The following PIP4K2A variants were observed in gnomAD, a reference collection of about 807,000 sequenced individuals.
The protein encoded by PIP4K2A is phosphatidylinositol-5-phosphate 4-kinase type 2 alpha.
A neutral mutation model predicts 42.9 loss-of-function variants in PIP4K2A; 14 were observed. The observed-to-expected ratio is 0.33, with a 90% CI of 0.22 to 0.51. The LOEUF is 0.51. Among genes scored for constraint, PIP4K2A ranks in the 20% least tolerant of loss-of-function variants. The pLI is 0.97. For synonymous variants in PIP4K2A, 192 were observed against 192.2 expected, an observed-to-expected ratio of 1.00 and a Z score of 0.01; for missense variants, 434 against 519.8, an observed-to-expected ratio of 0.83 and a Z score of 1.61.
At chr10:22,642,851 G>A (rs1838808516) in intron 1 of PIP4K2A, among the ~76,000 whole-genome samples, 1 of 152,064 alleles carries the variant, frequency 6.6e-6, no homozygotes, top group Non-Finnish European at 1.5e-5. Context: ...TTCCTAGATA[G>A]TAATTCATGT....
chr10:22,568,238 T>C (rs1836897093), intron 5 of PIP4K2A, among the ~76,000 whole-genome samples: 1 of 152,218 alleles, frequency 6.6e-6, no homozygotes, highest in African/African-American at 2.4e-5. Flanking sequence ...ACTTTACTCC[T>C]TGTATCAACT....
intron 1 of PIP4K2A, among the ~76,000 whole-genome samples, chr10:22,698,826 TTGTG>T (rs1225795503): frequency 6.6e-6 from 1 of 152,208 alleles, no homozygotes; most frequent in Non-Finnish European, 1.5e-5. Flanking sequence ...TTTTTTATAT[TTGTG>T]TGTGTTTTTC....
intron 1 of PIP4K2A, among the ~76,000 whole-genome samples, chr10:22,612,892 T>G (rs1028564863): frequency 6.6e-6 from 1 of 152,030 alleles, no homozygotes; most frequent in Non-Finnish European, 1.5e-5. Context: ...GATAAAAATG[T>G]GTGTATCTGT....
At chr10:22,603,373 T>C (rs941316845) in intron 3 of PIP4K2A, among the ~76,000 whole-genome samples, 1 of 152,204 alleles carries the variant, frequency 6.6e-6, no homozygotes, top group Non-Finnish European at 1.5e-5. Flanking sequence ...AGCTACTAAA[T>C]GTAACTGAAG....
chr10:22,605,879 T>C (rs1164015054), intron 3 of PIP4K2A, among the ~76,000 whole-genome samples: 1 of 151,696 alleles, frequency 6.6e-6, no homozygotes, highest in Non-Finnish European at 1.5e-5. Flanking sequence ...CATTTTCAGG[T>C]GGCCTCTTTA....
chr10:22,647,705 A>G (rs900497885), intron 1 of PIP4K2A, among the ~76,000 whole-genome samples: 1 of 152,228 alleles, frequency 6.6e-6, no homozygotes, highest in Non-Finnish European at 1.5e-5. Context: ...CAGAAAGGTC[A>G]CAGAAGACAG....
intron 1 of PIP4K2A, among the ~76,000 whole-genome samples, chr10:22,633,582 C>T (rs1588676045): frequency 6.6e-6 from 1 of 152,062 alleles, no homozygotes; most frequent in East Asian, 1.9e-4. Flanking sequence ...GCAAAGGGTA[C>T]AGGCAGGGGA....
intron 1 of PIP4K2A, among the ~76,000 whole-genome samples, chr10:22,648,838 G>C (rs1360603071): frequency 6.6e-6 from 1 of 152,198 alleles, no homozygotes; most frequent in African/African-American, 2.4e-5. Flanking sequence ...GAATACTAGA[G>C]AGGATACACA....
At chr10:22,555,557 G>A (rs1198725225) in intron 6 of PIP4K2A, among the ~76,000 whole-genome samples, 1 of 152,098 alleles carries the variant, frequency 6.6e-6, no homozygotes, top group African/African-American at 2.4e-5. Flanking sequence ...GATGTTCTGG[G>A]CCAGTTGCTT....
chr10:22,664,130 C>CATATATATACACATAT, intron 1 of PIP4K2A, among the ~76,000 whole-genome samples: 1 of 40,188 alleles, frequency 2.5e-5, no homozygotes, highest in South Asian at 5.8e-4. Flanking sequence ...TATATATATA[C>CATATATATACACATAT]ATATATATAT....
At chr10:22,636,234 G>C (rs1415528191) in intron 1 of PIP4K2A, among the ~76,000 whole-genome samples, 2 of 152,106 alleles carry the variant, frequency 1.3e-5, no homozygotes, top group Non-Finnish European at 1.5e-5. Flanking sequence ...CACCACAACT[G>C]ATTTATTTTT....
chr10:22,708,704 G>C (rs1301061749), intron 1 of PIP4K2A, among the ~76,000 whole-genome samples: 1 of 152,150 alleles, frequency 6.6e-6, no homozygotes, highest in Non-Finnish European at 1.5e-5. Context: ...TGCAGCATCA[G>C]TACCACCCGA....
At chr10:22,648,078 T>C (rs1197113913) in intron 1 of PIP4K2A, among the ~76,000 whole-genome samples, 1 of 152,218 alleles carries the variant, frequency 6.6e-6, no homozygotes, top group Non-Finnish European at 1.5e-5. Context: ...CCTCAAAGCC[T>C]TCCTGGAATA....
chr10:22,707,537 T>A (rs1833843577), intron 1 of PIP4K2A, among the ~76,000 whole-genome samples: 1 of 152,188 alleles, frequency 6.6e-6, no homozygotes, highest in Non-Finnish European at 1.5e-5. Flanking sequence ...TCTCCCATGT[T>A]AACAGCTAAT....
At chr10:22,545,317 A>G (rs1836234271) in intron 7 of PIP4K2A, among the ~76,000 whole-genome samples, 1 of 152,254 alleles carries the variant, frequency 6.6e-6, no homozygotes, top group Non-Finnish European at 1.5e-5. Flanking sequence ...TTACCTTAAC[A>G]GGAAGGTCTA....
At chr10:22,632,099 G>T (rs1422137442) in intron 1 of PIP4K2A, among the ~76,000 whole-genome samples, 3 of 152,316 alleles carry the variant, frequency 2.0e-5, no homozygotes, top group African/African-American at 7.2e-5. Flanking sequence ...CATGAAAAGT[G>T]TAAAGGTCAT....
chr10:22,540,602 G>A (rs1336547659), intron 8 of PIP4K2A, among the ~76,000 whole-genome samples: 1 of 152,094 alleles, frequency 6.6e-6, no homozygotes, highest in African/African-American at 2.4e-5. Flanking sequence ...TTGTTGCCCA[G>A]GCTGGAGTGC....
At chr10:22,664,216 T>C (rs11594401) in intron 1 of PIP4K2A, among the ~76,000 whole-genome samples, 553 of 38,256 alleles carry the variant, frequency 0.014, 43 homozygotes, top group African/African-American at 0.05. Context: ...TATATATATA[T>C]ACATATATAT....
At chr10:22,629,403 AGAG>A (rs1283286089) in intron 1 of PIP4K2A, among the ~76,000 whole-genome samples, 5 of 152,232 alleles carry the variant, frequency 3.3e-5, no homozygotes, top group African/African-American at 1.2e-4. Context: ...TGCAATTGGC[AGAG>A]GATGCTAGAA....
Sources: allele counts gnomAD v4.1 joint callset (sites outside exome capture counted in the v4.1 genomes callset), GRCh38; gene constraint gnomAD v4.1.1; transcripts MANE v1.5; gene names NCBI Gene and HGNC (gene_info 2026-07-23, HGNC 2026-07-21).